The following ARHGAP21 variants were observed in gnomAD, a reference collection of about 807,000 sequenced individuals.
The protein encoded by ARHGAP21 is rho GTPase-activating protein 21.
ARHGAP21 carries 38 observed loss-of-function variants against 164.6 expected under a neutral mutation model. The observed-to-expected ratio is 0.23, with a 90% CI of 0.18 to 0.30. The LOEUF (loss-of-function observed/expected upper bound fraction) is 0.30, where lower values mean the gene tolerates loss of function less well. Ranked by LOEUF, ARHGAP21 falls within the 10% of genes least tolerant of loss-of-function variation. The probability of loss-of-function intolerance (pLI) is 1.00; values close to 1 mark genes in which losing one functional copy is unlikely to be tolerated. For synonymous variants in ARHGAP21, 766 were observed against 857.9 expected (o/e 0.89, Z 1.87); for missense variants, 1,822 against 2,370.7 (o/e 0.77, Z 4.81).
At chr10:24,688,221 T>C (rs112337129) in intron 2 of ARHGAP21, among the ~76,000 whole-genome samples, 2,027 of 152,196 alleles carry the variant, frequency 0.013, 37 homozygotes, top group African/African-American at 0.046. Context: ...CGAAACCCCA[T>C]CTCTACTAAA....
At chr10:24,587,788 C>G (rs2076167217) in intron 25 of ARHGAP21, among the ~76,000 whole-genome samples, 1 of 152,146 alleles carries the variant, frequency 6.6e-6, no homozygotes, top group African/African-American at 2.4e-5. Context: ...CCTTAAGGTT[C>G]TCTTTACAAT....
At chr10:24,616,732 G>A (rs1353519704) in intron 9 of ARHGAP21, among the ~76,000 whole-genome samples, 1 of 152,206 alleles carries the variant, frequency 6.6e-6, no homozygotes, top group African/African-American at 2.4e-5. Context: ...AGTGTAGGAA[G>A]TCAGGATTTT....
chr10:24,584,221 A>AATAT lies in ARHGAP21; in HGVS notation c.*187_*190dup, dbSNP rs35918968. Reference sequence around the variant, plus strand: ...TATACAACTATCCGATATATTTTTAAATATATATATATATATATATGTTCT... The same window carrying AATAT: ...TATACAACTATCCGATATATTTTTAAATATATATATATATATATATATATGTTCT... On this transcript the variant is annotated 3_prime_UTR_variant, in exon 26 of 26. Coordinates refer to ENST00000396432, the MANE Select transcript of ARHGAP21 (RefSeq NM_020824.4). 1.8e-3 allele frequency: 423 copies of AATAT among 229,342 alleles called. No homozygotes were observed. The highest frequency in any genetic ancestry group is 2.2e-3 in the Non-Finnish European group (282 of 126,354). 14.2% of individuals were successfully genotyped at this position (229,342 alleles called of 1,614,324 possible). A position where few individuals can be genotyped will look rare whatever the true frequency, so the allele number is the denominator to read the frequency against.
Position 24,722,090 on chromosome 10 carries a change from T to C in ARHGAP21, c.-191A>G. 1.6e-6 allele frequency: 1 copy of C among 629,424 alleles called. No homozygotes were observed. The highest frequency in any genetic ancestry group is 2.9e-6 in the Non-Finnish European group (1 of 347,512). 39.0% of individuals were successfully genotyped at this position (629,424 alleles called of 1,614,324 possible). ...CGCCTTCAAATGCCTCGCTGATTTCTCGTGACTTCAACTGACTTCGCCTTC... is the reference window on the plus strand; with the variant it reads ...CGCCTTCAAATGCCTCGCTGATTTCCCGTGACTTCAACTGACTTCGCCTTC... On this transcript the variant is annotated 5_prime_UTR_variant, in exon 2 of 26. Transcript: ENST00000396432.
At chr10:24,598,264 T>C (rs7070532) in intron 14 of ARHGAP21, among the ~76,000 whole-genome samples, 81,530 of 152,054 alleles carry the variant, frequency 0.54, 22,063 homozygotes, top group Middle Eastern at 0.58. Flanking sequence ...GCAAGTAACA[T>C]GTGTTCAATA....
intron 9 of ARHGAP21, among the ~76,000 whole-genome samples, chr10:24,609,632 T>C (rs1247259033): frequency 2.0e-5 from 3 of 152,206 alleles, no homozygotes; most frequent in Non-Finnish European, 4.4e-5. Flanking sequence ...CAATTCTTGA[T>C]TCCCTTTGAA....
In ARHGAP21 at chr10:24,621,063, A is replaced by G. The variant is rs1389397433; in HGVS notation, c.832T>C (p.Ser278Pro). The G allele has an allele frequency of 1.2e-6, 2 of 1,613,874 alleles. No individual in the cohort carries two copies. Among genetic ancestry groups the G allele is most frequent in the East Asian group, 4.5e-5 (2 of 44,904 alleles). ...GATAACAAATCTACAACCTTCTCAG[A>G]AGGCACAATGACAGTCCTTACACTT... ...NESVRTVIVP[S>P]EKVVDLLSNR... The change falls in exon 9 of 26, where the codon TCT becomes CCT. Residue 278 changes from serine (S) to proline (P), a missense_variant. Transcript: ENST00000396432.
At chr10:24,590,371 C>G (rs986485710) in intron 24 of ARHGAP21, 47 of 1,535,228 alleles carry the variant, frequency 3.1e-5, no homozygotes, top group Non-Finnish European at 3.7e-5. Flanking sequence ...GACAAGGCAG[C>G]TACAGTGTGG....
At chr10:24,591,471 G>T (rs2076327655) in intron 23 of ARHGAP21, 141 bp from the exon 24 acceptor site, 3 of 1,095,300 alleles carry the variant, frequency 2.7e-6, no homozygotes, top group Admixed American at 2.1e-5. Context: ...ATAATTAACT[G>T]CAAAATAAGC....
intron 5 of ARHGAP21, among the ~76,000 whole-genome samples, chr10:24,634,642 G>A (rs1290038105): frequency 1.3e-5 from 2 of 152,188 alleles, no homozygotes; most frequent in African/African-American, 4.8e-5. Flanking sequence ...GGCACTTCCA[G>A]AACTTGAAAA....
intron 2 of ARHGAP21, among the ~76,000 whole-genome samples, chr10:24,692,519 A>G (rs1335770744): frequency 1.3e-5 from 2 of 152,204 alleles, no homozygotes; most frequent in Admixed American, 1.3e-4. Context: ...GTTGGAAACA[A>G]CCCAAATGTC....
At chr10:24,603,644 A>T (rs189632445) in intron 12 of ARHGAP21, among the ~76,000 whole-genome samples, 1 of 152,234 alleles carries the variant, frequency 6.6e-6, no homozygotes, top group African/African-American at 2.4e-5. Context: ...TAATAGGATA[A>T]TGGTACAAGC....
At chr10:24,694,605 G>A (rs1027209617) in intron 2 of ARHGAP21, among the ~76,000 whole-genome samples, 3 of 152,184 alleles carry the variant, frequency 2.0e-5, no homozygotes, top group Non-Finnish European at 2.9e-5. Flanking sequence ...TATATCCTAT[G>A]TGGCTCCGCT....
intron 4 of ARHGAP21, among the ~76,000 whole-genome samples, chr10:24,637,385 A>G (rs1179887239): frequency 2.6e-5 from 4 of 152,190 alleles, no homozygotes; most frequent in Non-Finnish European, 4.4e-5. Context: ...AAAAACATCT[A>G]TCTTCTTGGC....
At chr10:24,701,165 G>A (rs1342728954) in intron 2 of ARHGAP21, among the ~76,000 whole-genome samples, 1 of 151,914 alleles carries the variant, frequency 6.6e-6, no homozygotes, top group Non-Finnish European at 1.5e-5. Context: ...GAGCTTCAGG[G>A]AGAAAGCAGT....
intron 4 of ARHGAP21, among the ~76,000 whole-genome samples, chr10:24,666,343 G>C (rs1030276426): frequency 6.6e-6 from 1 of 152,154 alleles, no homozygotes. Context: ...CCATGGTATT[G>C]TAAGTTTTTA....
chr10:24,649,631 G>T (rs1837954112), intron 4 of ARHGAP21, among the ~76,000 whole-genome samples: 1 of 151,970 alleles, frequency 6.6e-6, no homozygotes, highest in African/African-American at 2.4e-5. Flanking sequence ...TCAACTTGGA[G>T]AAGAGATTTT....
chr10:24,591,796 ACCTCT>A, intron 22 of ARHGAP21, 86 bp downstream of exon 22: 1 of 1,597,748 alleles, frequency 6.3e-7, no homozygotes, highest in Non-Finnish European at 8.5e-7. Flanking sequence ...ATTACAACCA[ACCTCT>A]GTCTGACCAA....
intron 2 of ARHGAP21, among the ~76,000 whole-genome samples, chr10:24,673,051 G>C (rs2131808962): frequency 6.6e-6 from 1 of 152,198 alleles, no homozygotes; most frequent in South Asian, 2.1e-4. Context: ...AGATATTAAA[G>C]AATAAATAGA....
Sources: gnomAD v4.1 joint callset for allele counts (sites outside exome capture counted in the v4.1 genomes callset) on GRCh38, gnomAD v4.1.1 for gene constraint, MANE v1.5 for transcripts, NCBI Gene and HGNC (gene_info 2026-07-23, HGNC 2026-07-21) for gene names.